AP4E1: variants seen among roughly 807,000 people sequenced by gnomAD.
The protein encoded by AP4E1 is AP-4 complex subunit epsilon-1.
In AP4E1, 56 loss-of-function variants were observed where a neutral mutation model predicts 128.2. The ratio of observed to expected loss-of-function variants is 0.44; its 90% confidence interval spans 0.35 to 0.55. The LOEUF (loss-of-function observed/expected upper bound fraction) is 0.55, where lower values mean the gene tolerates loss of function less well. AP4E1 is among the 20% of genes least tolerant of loss of function. The pLI, the probability that AP4E1 is intolerant of heterozygous loss-of-function variation, is 0.00. For synonymous variants in AP4E1, 484 were observed against 473.1 expected (o/e 1.02, Z -0.30); for missense variants, 1,324 against 1,307.7 (o/e 1.01, Z -0.19).
intron 3 of AP4E1, among the ~76,000 whole-genome samples, chr15:50,921,801 T>G (rs1303171305): frequency 6.6e-6 from 1 of 152,226 alleles, no homozygotes; most frequent in Non-Finnish European, 1.5e-5. Flanking sequence ...GTAGTTATTA[T>G]TCTTTGTTTC....
intron 16 of AP4E1, among the ~76,000 whole-genome samples, chr15:50,990,484 C>T (rs1255975279): frequency 6.6e-6 from 1 of 151,616 alleles, no homozygotes. Flanking sequence ...GTTCTCATGC[C>T]TCAGACTTTG....
intron 13 of AP4E1, among the ~76,000 whole-genome samples, chr15:50,953,701 CA>C (rs1387175612): frequency 1.3e-5 from 2 of 152,004 alleles, no homozygotes; most frequent in Non-Finnish European, 2.9e-5. Flanking sequence ...TTGGATATGC[CA>C]AAGAGAAGCT....
At chr15:50,917,619 T>C (rs1336978030) in intron 3 of AP4E1, among the ~76,000 whole-genome samples, 5 of 152,190 alleles carry the variant, frequency 3.3e-5, no homozygotes, top group African/African-American at 4.8e-5. Flanking sequence ...TTCTTAGGGA[T>C]TGTCTGTTTA....
chr15:50,979,765 T>G (rs758624650), intron 15 of AP4E1, among the ~76,000 whole-genome samples: 2 of 152,174 alleles, frequency 1.3e-5, no homozygotes, highest in Non-Finnish European at 2.9e-5. Flanking sequence ...CCTCAAATGA[T>G]CTGCCCACCT....
chr15:50,939,786 G>A (rs966696264), intron 8 of AP4E1, among the ~76,000 whole-genome samples: 6 of 152,112 alleles, frequency 3.9e-5, no homozygotes, highest in Admixed American at 2.0e-4. Context: ...GTAGGAAGCC[G>A]TAATGAAAAA....
chr15:50,986,405 T>C (rs2064724369), intron 16 of AP4E1, among the ~76,000 whole-genome samples: 1 of 152,200 alleles, frequency 6.6e-6, no homozygotes, highest in South Asian at 2.1e-4. Flanking sequence ...AGGGAATGCT[T>C]CCAGTTTTTG....
chr15:50,912,230 A>G (rs1431353264), intron 2 of AP4E1, 81 bp downstream of exon 2: 2 of 1,238,998 alleles, frequency 1.6e-6, no homozygotes, highest in Non-Finnish European at 1.2e-6. Context: ...CTAACTGATG[A>G]TCGGTTGCTA....
intron 3 of AP4E1, among the ~76,000 whole-genome samples, chr15:50,917,752 C>T (rs1309565966): frequency 2.0e-5 from 3 of 152,124 alleles, no homozygotes; most frequent in African/African-American, 4.8e-5. Context: ...GAATAACTTA[C>T]ATTTTGAGGA....
chr15:50,962,545 T>G (rs770738145), intron 14 of AP4E1, among the ~76,000 whole-genome samples: 2 of 151,910 alleles, frequency 1.3e-5, no homozygotes, highest in African/African-American at 2.4e-5. Context: ...AGCCTTGATA[T>G]CAGCATGCAG....
intron 8 of AP4E1, among the ~76,000 whole-genome samples, chr15:50,937,040 T>C (rs778456964): frequency 4.6e-5 from 7 of 152,234 alleles, no homozygotes; most frequent in Non-Finnish European, 7.3e-5. Context: ...ATAGTTCCTG[T>C]TGTTTCATTT....
chr15:50,997,911 T>C (rs113581911), intron 18 of AP4E1, 28 bp downstream of exon 18: 10 of 1,539,596 alleles, frequency 6.5e-6, no homozygotes, highest in African/African-American at 2.7e-5. Flanking sequence ...TATTGTTTTA[T>C]TTTCAGTGTA....
intron 14 of AP4E1, among the ~76,000 whole-genome samples, chr15:50,962,493 A>G (rs1247360674): frequency 6.6e-6 from 1 of 152,032 alleles, no homozygotes; most frequent in Non-Finnish European, 1.5e-5. Context: ...CCAAGAATAT[A>G]TATTGGGGAA....
chr15:50,954,792 C>A (rs1280501539), intron 13 of AP4E1, among the ~76,000 whole-genome samples: 1 of 152,056 alleles, frequency 6.6e-6, no homozygotes. Flanking sequence ...TGTGCTGCAC[C>A]CATTAACTCG....
chr15:50,945,230 T>G lies in AP4E1; in HGVS notation c.1177-2790T>G, dbSNP rs573748322. The G allele has an allele frequency of 1.1e-4, 83 of 789,518 alleles. No homozygotes were observed. In the African/African-American group the frequency reaches 1.3e-3, roughly 12 times the overall value. The allele number at this position is 789,518 out of a possible 1,614,324, so 48.9% of individuals were successfully genotyped here. On this transcript the variant is annotated intron_variant, in intron 10 of 20. Coordinates refer to ENST00000261842, the MANE Select transcript of AP4E1 (RefSeq NM_007347.5). ...ATGAACAAAGAACTAATCCTGTATGTTCAATGACCTGGGGATTTGACAGTG... is the reference window on the plus strand; with the variant it reads ...ATGAACAAAGAACTAATCCTGTATGGTCAATGACCTGGGGATTTGACAGTG...
At chr15:51,000,912 A>T in intron 19 of AP4E1, 114 bp from the exon 20 acceptor site, 1 of 865,092 alleles carries the variant, frequency 1.2e-6, no homozygotes, top group South Asian at 1.6e-5. Context: ...CATAAATCTT[A>T]TGGGACCCAG....
At chr15:50,912,657 ATT>A (rs200052940) in intron 2 of AP4E1, among the ~76,000 whole-genome samples, 5 of 144,260 alleles carry the variant, frequency 3.5e-5, no homozygotes, top group Admixed American at 6.8e-5. Flanking sequence ...ACTCAGTTTG[ATT>A]TTTTTTTTTT....
At chr15:50,962,897 A>AAAG (rs2064335824) in intron 14 of AP4E1, among the ~76,000 whole-genome samples, 1 of 142,918 alleles carries the variant, frequency 7.0e-6, no homozygotes, top group Admixed American at 6.8e-5. Context: ...AGCAAAAAAA[A>AAAG]AAAAAAAAAA....
intron 13 of AP4E1, among the ~76,000 whole-genome samples, 196 bp downstream of exon 13, chr15:50,950,365 A>C (rs1402009074): frequency 6.6e-6 from 1 of 152,034 alleles, no homozygotes; most frequent in African/African-American, 2.4e-5. Flanking sequence ...GGTCTTTTAA[A>C]TATAGGTATT....
chr15:50,937,546 A>G (rs1259737291), intron 8 of AP4E1, among the ~76,000 whole-genome samples: 2 of 152,244 alleles, frequency 1.3e-5, no homozygotes, highest in Non-Finnish European at 2.9e-5. Flanking sequence ...TAACTTGTTC[A>G]TGAAAGCTTA....
Sources: gnomAD v4.1 joint callset for allele counts (sites outside exome capture counted in the v4.1 genomes callset) on GRCh38, gnomAD v4.1.1 for gene constraint, MANE v1.5 for transcripts, NCBI Gene and HGNC (gene_info 2026-07-23, HGNC 2026-07-21) for gene names.